Variants in ADGRV1 observed in about 807,000 individuals in gnomAD.
ADGRV1 encodes the protein adhesion G protein-coupled receptor V1.
A neutral mutation model predicts 596.2 loss-of-function variants in ADGRV1; 359 were observed. That is an observed-to-expected ratio of 0.60 (90% confidence interval 0.55 to 0.66). The LOEUF (loss-of-function observed/expected upper bound fraction) is 0.66, where lower values mean the gene tolerates loss of function less well. Ranked by LOEUF, ADGRV1 falls within the 30% of genes least tolerant of loss-of-function variation. The pLI is 0.00. For missense variants in ADGRV1, 7,274 were observed against 7,575.6 expected, an observed-to-expected ratio of 0.96 and a Z score of 1.48; for synonymous variants, 2,681 against 2,679.2, an observed-to-expected ratio of 1.00 and a Z score of -0.02.
At chr5:90,786,346 C>G (rs1383606653) in intron 67 of ADGRV1, among the ~76,000 whole-genome samples, 1 of 152,110 alleles carries the variant, frequency 6.6e-6, no homozygotes, top group Non-Finnish European at 1.5e-5. Flanking sequence ...ACATGTATAC[C>G]TATGTGTCAA....
At chr5:90,903,303 TATA>T (rs2150650650) in intron 83 of ADGRV1, among the ~76,000 whole-genome samples, 1 of 152,202 alleles carries the variant, frequency 6.6e-6, no homozygotes, top group South Asian at 2.1e-4. Flanking sequence ...TCCATGAAAT[TATA>T]ATATCATGCC....
intron 87 of ADGRV1, among the ~76,000 whole-genome samples, chr5:91,129,979 T>C (rs1794077123): frequency 6.6e-6 from 1 of 152,142 alleles, no homozygotes; most frequent in African/African-American, 2.4e-5. Context: ...TCTTAGACAT[T>C]GGCCTGTTTG....
rs752171558 is a variant in ADGRV1, at chr5:90,965,428, C to T, written c.17870C>T (p.Ala5957Val). ...ASLGTQILFL[A>V]SAYASPQLAE... ...TGTTTCTTACAGATTCTGTTTCTGG[C>T]GTCTGCATACGCAAGTCCCCAACTC... Residue 5957 changes from alanine (A) to valine (V), a missense_variant, in exon 84 of 90, where the codon GCG becomes GTG. Ala to Val is a moderately conservative substitution (Grantham distance 64, BLOSUM62 0). Coordinates refer to ENST00000405460, the MANE Select transcript of ADGRV1 (RefSeq NM_032119.4). 1.1e-5 allele frequency: 17 copies of T among 1,606,930 alleles called. No individual in the cohort carries two copies. Among genetic ancestry groups the T allele is most frequent in the East Asian group, 2.2e-5 (1 of 44,836 alleles).
chr5:91,072,430 T>C lies in ADGRV1; in HGVS notation c.18153-17T>C. On this transcript the variant is annotated splice_polypyrimidine_tract_variant and intron_variant, in intron 85 of 89. Transcript: ENST00000405460. ...CGCTGAAAGTGTCTGAGTTACTTCT[T>C]CTCATTTCTCTTCCAGGTGTTTTAT... 1.2e-6 allele frequency: 2 copies of C among 1,610,088 alleles called. No homozygotes were observed. Among genetic ancestry groups the C allele is most frequent in the Non-Finnish European group, 1.7e-6 (2 of 1,176,390 alleles).
At chr5:90,705,602 T>G in intron 37 of ADGRV1, 23 bp downstream of exon 37, 1 of 1,597,160 alleles carries the variant, frequency 6.3e-7, no homozygotes, top group Non-Finnish European at 8.6e-7. Context: ...CTAGAATGAA[T>G]GGGGTTTCCA....
chr5:90,812,871 C>T lies in ADGRV1; in HGVS notation c.16078+1533C>T, dbSNP rs186613030. On this transcript the variant is annotated intron_variant, in intron 74 of 89. Transcript: ENST00000405460. The stretch of plus-strand genomic sequence containing the variant: ...TGGTAGCTGGGCACGGTGGCTCACA[C>T]CTGTAATCCCAGCACTTTGGGAGGC... 5.4e-3 allele frequency among the ~76,000 whole-genome samples: 828 copies of T among 151,992 alleles called. 6 individuals carry two copies. The highest frequency in any genetic ancestry group is 9.3e-3 in the Non-Finnish European group (635 of 67,968).
At chr5:90,730,894 A>T (rs935940652) in intron 50 of ADGRV1, among the ~76,000 whole-genome samples, 1 of 152,198 alleles carries the variant, frequency 6.6e-6, no homozygotes, top group African/African-American at 2.4e-5. Flanking sequence ...TCCTGCTTTT[A>T]AATTGAGATA....
intron 1 of ADGRV1, among the ~76,000 whole-genome samples, chr5:90,559,154 C>A (rs1754478539): frequency 6.6e-6 from 1 of 152,096 alleles, no homozygotes; most frequent in Non-Finnish European, 1.5e-5. Context: ...GTTCCTGCAC[C>A]CCCTACCCGC....
intron 84 of ADGRV1, among the ~76,000 whole-genome samples, chr5:90,971,162 T>C (rs1778938692): frequency 6.6e-6 from 1 of 150,652 alleles, no homozygotes; most frequent in East Asian, 2.0e-4. Context: ...AGAAAAAGAG[T>C]AAAAAGAAAC....
intron 87 of ADGRV1, among the ~76,000 whole-genome samples, chr5:91,128,640 C>G (rs1211857103): frequency 2.6e-5 from 4 of 152,136 alleles, no homozygotes; most frequent in African/African-American, 9.7e-5. Context: ...ACTTCTCTAC[C>G]ACCACCATCC....
chr5:91,076,639 G>C (rs1041477496), intron 86 of ADGRV1, among the ~76,000 whole-genome samples: 1 of 152,056 alleles, frequency 6.6e-6, no homozygotes, highest in African/African-American at 2.4e-5. Context: ...TCTCTGATCT[G>C]TTTGTAAATA....
At chr5:91,059,824 G>A (rs1787238383) in intron 85 of ADGRV1, among the ~76,000 whole-genome samples, 3 of 152,026 alleles carry the variant, frequency 2.0e-5, no homozygotes, top group African/African-American at 7.2e-5. Flanking sequence ...CTTGCATATT[G>A]GCCTTTTACA....
intron 85 of ADGRV1, among the ~76,000 whole-genome samples, chr5:91,060,262 C>T (rs1216494733): frequency 6.6e-6 from 1 of 151,898 alleles, no homozygotes; most frequent in African/African-American, 2.4e-5. Context: ...ACTCTGTTGC[C>T]CAGGCTGGAG....
chr5:91,086,281 T>C (rs184955432), intron 86 of ADGRV1, among the ~76,000 whole-genome samples: 1 of 152,320 alleles, frequency 6.6e-6, no homozygotes, highest in East Asian at 1.9e-4. Context: ...TCAAATGTCT[T>C]TTGGATACAT....
At chr5:90,985,601 A>G in intron 85 of ADGRV1, 79 bp downstream of exon 85, 1 of 1,051,416 alleles carries the variant, frequency 9.5e-7, no homozygotes, top group East Asian at 2.4e-5. Context: ...CTGTGATTGA[A>G]TAAGTACCAG....
At chr5:90,588,655 G>A (rs1759087457) in intron 1 of ADGRV1, among the ~76,000 whole-genome samples, 1 of 152,226 alleles carries the variant, frequency 6.6e-6, no homozygotes. Context: ...TGTGGTGTCA[G>A]GAAGCCACAG....
intron 31 of ADGRV1, among the ~76,000 whole-genome samples, chr5:90,691,366 C>T (rs1172938686): frequency 6.8e-6 from 1 of 147,208 alleles, no homozygotes; most frequent in African/African-American, 2.5e-5. Flanking sequence ...AATACATTTG[C>T]TCTGTATAAA....
intron 28 of ADGRV1, among the ~76,000 whole-genome samples, chr5:90,685,340 T>C (rs1167453878): frequency 1.3e-5 from 2 of 152,104 alleles, no homozygotes; most frequent in Non-Finnish European, 2.9e-5. Flanking sequence ...CCTAGCACTT[T>C]GGGAGGCCGA....
chr5:90,924,145 C>G (rs1264761448), intron 83 of ADGRV1, among the ~76,000 whole-genome samples: 4 of 151,706 alleles, frequency 2.6e-5, no homozygotes, highest in Admixed American at 2.6e-4. Context: ...GGTATATACC[C>G]AGTAATGGGA....
Sources: allele counts gnomAD v4.1 joint callset (sites outside exome capture counted in the v4.1 genomes callset), GRCh38; gene constraint gnomAD v4.1.1; transcripts MANE v1.5; gene names NCBI Gene and HGNC (gene_info 2026-07-23, HGNC 2026-07-21).